ANKRD18B: variants seen among roughly 807,000 people sequenced by gnomAD.
The protein encoded by ANKRD18B is ankyrin repeat domain-containing protein 18B.
In ANKRD18B, 75 loss-of-function variants were observed where a neutral mutation model predicts 111.8. The ratio of observed to expected loss-of-function variants is 0.67; its 90% CI spans 0.56 to 0.81. The LOEUF (loss-of-function observed/expected upper bound fraction) is 0.81, where lower values mean the gene tolerates loss of function less well. Among genes scored for constraint, ANKRD18B ranks in the 40% least tolerant of loss-of-function variants. The probability of loss-of-function intolerance (pLI) is 0.00; values close to 1 mark genes in which losing one functional copy is unlikely to be tolerated. For synonymous variants in ANKRD18B, 356 were observed against 417.3 expected (o/e 0.85, Z 1.79); for missense variants, 1,038 against 1,225.5 (o/e 0.85, Z 2.28).
chr9:33,570,372 A>T (rs1445426525), intron 17 of ANKRD18B, among the ~76,000 whole-genome samples: 1 of 152,118 alleles, frequency 6.6e-6, no homozygotes, highest in Non-Finnish European at 1.5e-5. Flanking sequence ...TGATGGGTTC[A>T]ATTGTACTCC....
chr9:33,541,921 T>C (rs1828284729), intron 9 of ANKRD18B, among the ~76,000 whole-genome samples: 2 of 152,184 alleles, frequency 1.3e-5, no homozygotes, highest in African/African-American at 4.8e-5. Context: ...CTGCTGGTGA[T>C]GCCCCTGTCA....
chr9:33,548,884 G>A, intron 11 of ANKRD18B, 29 bp downstream of exon 11: 1 of 1,435,484 alleles, frequency 7.0e-7, no homozygotes, highest in South Asian at 1.6e-5. Flanking sequence ...ATAACCTTCT[G>A]GAAAGAAAAT....
At position 33,524,701 on chromosome 9, in the gene ANKRD18B, G is replaced by A. The variant is rs1332914416; in HGVS notation, c.206+6G>A. On this transcript the variant is annotated splice_donor_region_variant and intron_variant, in intron 1 of 18. Transcript: ENST00000684830. ...GTCCGCGACAGAAAAGACAGGTAGC[G>A]GGGGCTCAGCCCTCGGTGGGAGGGG... 6.5e-7 allele frequency: 1 copy of A among 1,548,312 alleles called. No homozygotes were observed. The highest frequency in any genetic ancestry group is 1.4e-5 in the African/African-American group (1 of 73,054).
At chr9:33,529,702 G>A (rs903160406) in intron 3 of ANKRD18B, among the ~76,000 whole-genome samples, 5 of 152,148 alleles carry the variant, frequency 3.3e-5, no homozygotes, top group Non-Finnish European at 7.3e-5. Context: ...TTTTTAGTTT[G>A]TTGTTTTTCC....
intron 8 of ANKRD18B, among the ~76,000 whole-genome samples, chr9:33,540,522 C>G (rs1005250021): frequency 1.3e-5 from 2 of 152,190 alleles, no homozygotes; most frequent in African/African-American, 4.8e-5. Flanking sequence ...CAGCAAGAAA[C>G]AACAAGGAAC....
In ANKRD18B at chr9:33,553,617, G is replaced by T. The variant is rs1828479010; in HGVS notation, c.2218-2091G>T. Among the ~76,000 whole-genome samples the T allele has an allele frequency of 2.6e-5, 4 of 152,316 alleles. No individual in the cohort carries two copies. In the South Asian group the frequency reaches 8.3e-4, roughly 32 times the overall value. ...AAGAATCTCGATCAGGAAGAAGGGA[G>T]ATCTCTACTTGACTGGAGCTTCCCA... On this transcript the variant is annotated intron_variant, in intron 12 of 18. Transcript: ENST00000684830.
intron 4 of ANKRD18B, 143 bp from the exon 5 acceptor site, chr9:33,534,227 C>G (rs1196787624): frequency 1.5e-5 from 18 of 1,176,634 alleles, no homozygotes; most frequent in Non-Finnish European, 2.1e-5. Context: ...ACCCAAGATG[C>G]TTATACACAT....
At position 33,547,968 on chromosome 9, in the gene ANKRD18B, G is replaced by A; in HGVS notation, c.1180G>A (p.Glu394Lys). Residue 394 changes from glutamate (E) to lysine (K), a missense_variant, in exon 11 of 19, where the codon GAG becomes AAG. Around this residue, in one of 4 missense-constraint regions of ANKRD18B, gnomAD observed 205 missense variants for 201.3 expected, o/e 1.02. Transcript: ENST00000684830. Reference sequence around the variant, plus strand: ...TCAAAGTTATGGAAAAAAGAAGGATGAGATGTTTGGAAATTTTATGTTGAA... The same window carrying A: ...TCAAAGTTATGGAAAAAAGAAGGATAAGATGTTTGGAAATTTTATGTTGAA... ...DSQSYGKKKD[E>K]MFGNFMLKRD... is the part of the protein sequence containing the mutation. 2.8e-6 allele frequency: 4 copies of A among 1,453,464 alleles called. No individual in the cohort carries two copies. The highest frequency in any genetic ancestry group is 3.6e-6 in the Non-Finnish European group (4 of 1,103,062). 90.0% of individuals were successfully genotyped at this position (1,453,464 alleles called of 1,614,324 possible).
chr9:33,558,182 C>A lies in ANKRD18B; in HGVS notation c.2455C>A (p.Gln819Lys), dbSNP rs764589681. 2 of 1,606,772 alleles carry A rather than the reference C, an allele frequency of 1.2e-6. No individual in the cohort carries two copies. Among genetic ancestry groups the A allele is most frequent in the Non-Finnish European group, 1.7e-6 (2 of 1,177,706 alleles). Residue 819 changes from glutamine to lysine, a missense_variant, in exon 14 of 19, where the codon CAG becomes AAG. Gln to Lys is a moderately conservative substitution (Grantham distance 53). Coordinates refer to ENST00000684830, the MANE Select transcript of ANKRD18B (RefSeq NM_001393611.1). ...GGATATTCTGTTTAAGAAGCTAAAA[C>A]AGAAGGTAATTTAAAAAATTATTAT... ...KMDILFKKLK[Q>K]KFDDLMAEKE...
intron 6 of ANKRD18B, among the ~76,000 whole-genome samples, chr9:33,538,961 C>G (rs1322168290): frequency 6.6e-6 from 1 of 152,018 alleles, no homozygotes; most frequent in African/African-American, 2.4e-5. Flanking sequence ...TTGCAGGAGA[C>G]AAAGATGGAA....
chr9:33,569,024 C>T (rs1392181366), intron 17 of ANKRD18B, 131 bp downstream of exon 17: 1 of 839,934 alleles, frequency 1.2e-6, no homozygotes, highest in Non-Finnish European at 1.7e-6. Flanking sequence ...GCTGTGTTAA[C>T]ACAGAAAGGA....
Position 33,548,381 on chromosome 9 carries a change from T to C in ANKRD18B, c.1593T>C (p.Ser531=). The change falls in exon 11 of 19, where the codon TCT becomes TCC. Residue 531 remains serine (S), a synonymous_variant. Coordinates refer to ENST00000684830, the MANE Select transcript of ANKRD18B (RefSeq NM_001393611.1). ...DDVSRHETMG[S]NISQLTDKNE... Reference sequence around the variant, plus strand: ...TTTCTAGACATGAAACAATGGGTTCTAATATTTCTCAACTAACAGATAAGA... The same window carrying C: ...TTTCTAGACATGAAACAATGGGTTCCAATATTTCTCAACTAACAGATAAGA... The C allele has an allele frequency of 1.3e-6, 2 of 1,550,800 alleles. No individual in the cohort carries two copies. The highest frequency in any genetic ancestry group is 1.7e-4 in the Middle Eastern group (1 of 5,982).
At chr9:33,547,599 T>A (rs1828375664) in intron 10 of ANKRD18B, among the ~76,000 whole-genome samples, 1 of 152,074 alleles carries the variant, frequency 6.6e-6, no homozygotes, top group African/African-American at 2.4e-5. Context: ...TTTAGTCAAA[T>A]TTTTAAACAA....
intron 9 of ANKRD18B, 28 bp downstream of exon 9, chr9:33,541,255 A>T (rs1828275257): frequency 6.5e-7 from 1 of 1,533,254 alleles, no homozygotes. Flanking sequence ...CTCTACTCTT[A>T]ACCATGTAAA....
intron 17 of ANKRD18B, among the ~76,000 whole-genome samples, chr9:33,570,517 C>A (rs1828755634): frequency 6.6e-6 from 1 of 151,010 alleles, no homozygotes; most frequent in Non-Finnish European, 1.5e-5. Context: ...ATATAAATTT[C>A]TTTTTAAGAA....
intron 4 of ANKRD18B, chr9:33,533,884 CATTATT>C (rs57494608): frequency 0.077 from 9,882 of 127,994 alleles, 243 homozygotes; most frequent in South Asian, 0.11. Flanking sequence ...TTACCATTAT[CATTATT>C]ATTATTATTA....
chr9:33,561,256 G>T (rs1382698366), intron 14 of ANKRD18B, among the ~76,000 whole-genome samples: 1 of 152,150 alleles, frequency 6.6e-6, no homozygotes, highest in Non-Finnish European at 1.5e-5. Context: ...GATACCACAA[G>T]GTGGTTTTGA....
At chr9:33,537,834 T>C (rs1828223598) in intron 6 of ANKRD18B, among the ~76,000 whole-genome samples, 1 of 152,228 alleles carries the variant, frequency 6.6e-6, no homozygotes, top group Admixed American at 6.5e-5. Context: ...TATTATATAC[T>C]ATGCTTTTAG....
Position 33,548,833 on chromosome 9 carries a change from A to G in ANKRD18B, c.2045A>G (p.Glu682Gly). 2 of 1,494,782 alleles carry G rather than the reference A, an allele frequency of 1.3e-6. No homozygotes were observed. The highest frequency in any genetic ancestry group is 5.3e-5 in the Admixed American group (2 of 38,034). 92.6% of individuals were successfully genotyped at this position (1,494,782 alleles called of 1,614,324 possible). A position where few individuals can be genotyped will look rare whatever the true frequency, so the allele number is the denominator to read the frequency against. The change falls in exon 11 of 19, where the codon GAA (glutamate) becomes GGA (glycine). Residue 682 changes from glutamate (E) to glycine (G), a missense_variant. Physicochemically the swap from Glu to Gly is moderately conservative, Grantham distance 98. Transcript: ENST00000684830. ...TTAAAAGAAAAACTGCTTCAGTATG[A>G]AAAAGAAAAAGCAGAAAGAGAAGTA... The part of the protein sequence containing the change: ...NYLKEKLLQY[E>G]KEKAEREVIV...
Sources: gnomAD v4.1 joint callset for allele counts (sites outside exome capture counted in the v4.1 genomes callset) on GRCh38, gnomAD v4.1.1 for gene constraint, gnomAD v4.1.1 regional missense constraint, MANE v1.5 for transcripts, NCBI Gene and HGNC (gene_info 2026-07-23, HGNC 2026-07-21) for gene names.